Variants in SPOCK1 observed in about 807,000 individuals in gnomAD.
The protein encoded by SPOCK1 is SPARC (osteonectin), cwcv and kazal like domains proteoglycan 1.
A neutral mutation model predicts 55.3 loss-of-function variants in SPOCK1; 23 were observed. That is an observed-to-expected ratio of 0.42 (90% CI 0.30 to 0.59). SPOCK1 has a LOEUF of 0.59. Ranked by LOEUF, SPOCK1 falls within the 20% of genes least tolerant of loss-of-function variation. The probability of loss-of-function intolerance (pLI) is 0.22; values close to 1 mark genes in which losing one functional copy is unlikely to be tolerated. For missense variants in SPOCK1, 499 were observed against 552.5 expected (o/e 0.90, Z 0.97); for synonymous variants, 226 against 221.0 (o/e 1.02, Z -0.20).
chr5:137,330,551 A>G (rs1758153869), intron 2 of SPOCK1, among the ~76,000 whole-genome samples: 1 of 152,262 alleles, frequency 6.6e-6, no homozygotes, highest in Admixed American at 6.5e-5. Flanking sequence ...TGCAAGGCTG[A>G]TACTTAGGTA....
chr5:137,002,074 G>A (rs1751165057), intron 6 of SPOCK1, among the ~76,000 whole-genome samples: 1 of 152,142 alleles, frequency 6.6e-6, no homozygotes, highest in Non-Finnish European at 1.5e-5. Context: ...ACAGGCATGA[G>A]CAAAGGAATT....
chr5:137,259,202 C>T (rs1286735675), intron 3 of SPOCK1, among the ~76,000 whole-genome samples: 17 of 152,086 alleles, frequency 1.1e-4, no homozygotes, highest in Admixed American at 5.9e-4. Context: ...ATGTTTACTG[C>T]GACACTGTTC....
intron 4 of SPOCK1, among the ~76,000 whole-genome samples, chr5:137,124,902 T>C (rs1445761604): frequency 1.3e-5 from 2 of 152,174 alleles, no homozygotes; most frequent in African/African-American, 4.8e-5. Flanking sequence ...CAGAGTCTAG[T>C]TATGTTGCTC....
intron 3 of SPOCK1, among the ~76,000 whole-genome samples, chr5:137,155,809 T>G (rs1754405464): frequency 6.6e-6 from 1 of 152,238 alleles, no homozygotes; most frequent in African/African-American, 2.4e-5. Context: ...GGTCTCTTTG[T>G]GGGCTGTGTC....
chr5:137,185,290 C>T (rs1322689593), intron 3 of SPOCK1, among the ~76,000 whole-genome samples: 1 of 152,182 alleles, frequency 6.6e-6, no homozygotes, highest in Non-Finnish European at 1.5e-5. Context: ...ACAGGTTACA[C>T]TCCATTCATT....
intron 6 of SPOCK1, among the ~76,000 whole-genome samples, chr5:137,041,806 A>G (rs1478729044): frequency 6.6e-6 from 1 of 152,172 alleles, no homozygotes; most frequent in Non-Finnish European, 1.5e-5. Flanking sequence ...CACAATACCA[A>G]TTGCTGGCAA....
At chr5:137,498,266 CCACACACACACACACACACA>C in intron 2 of SPOCK1, 87 bp downstream of exon 2, 1 of 795,506 alleles carries the variant, frequency 1.3e-6, no homozygotes, top group East Asian at 3.5e-5. Context: ...CCCCTCCCAA[CCACACACACACACACACACA>C]CACACACACA....
At chr5:137,198,845 T>G (rs1755354393) in intron 3 of SPOCK1, among the ~76,000 whole-genome samples, 1 of 152,230 alleles carries the variant, frequency 6.6e-6, no homozygotes, top group Non-Finnish European at 1.5e-5. Context: ...TTCTAAATTT[T>G]TATACATAAC....
intron 6 of SPOCK1, among the ~76,000 whole-genome samples, chr5:137,039,503 A>G (rs1751953452): frequency 6.6e-6 from 1 of 152,128 alleles, no homozygotes; most frequent in African/African-American, 2.4e-5. Flanking sequence ...CCTTTGCAGA[A>G]GACTCAAGTT....
chr5:137,377,286 A>T (rs532553048), intron 2 of SPOCK1, among the ~76,000 whole-genome samples: 33 of 152,190 alleles, frequency 2.2e-4, no homozygotes, highest in Non-Finnish European at 4.0e-4. Context: ...GGAGAATCTG[A>T]TGCCTCTGCA....
chr5:137,098,655 C>T (rs1248999266), intron 5 of SPOCK1, among the ~76,000 whole-genome samples: 2 of 152,252 alleles, frequency 1.3e-5, no homozygotes. Context: ...GTTCCCATCA[C>T]CTACATGGCT....
chr5:137,302,543 C>T (rs1237156170), intron 2 of SPOCK1, among the ~76,000 whole-genome samples: 1 of 151,568 alleles, frequency 6.6e-6, no homozygotes, highest in Non-Finnish European at 1.5e-5. Flanking sequence ...TGCCATTGCA[C>T]TCCAGCCTGG....
At chr5:137,413,907 G>A (rs1299405719) in intron 2 of SPOCK1, among the ~76,000 whole-genome samples, 2 of 151,982 alleles carry the variant, frequency 1.3e-5, no homozygotes, top group East Asian at 3.9e-4. Flanking sequence ...AATTTCCTCA[G>A]CCCCACACGC....
chr5:137,365,812 G>A (rs1372900233), intron 2 of SPOCK1, among the ~76,000 whole-genome samples: 4 of 152,142 alleles, frequency 2.6e-5, no homozygotes, highest in Non-Finnish European at 5.9e-5. Context: ...ATTTTTAACA[G>A]GCACTTTAAA....
At chr5:137,018,111 G>C (rs1270655876) in intron 6 of SPOCK1, among the ~76,000 whole-genome samples, 1 of 152,184 alleles carries the variant, frequency 6.6e-6, no homozygotes, top group Non-Finnish European at 1.5e-5. Flanking sequence ...CTTCATAACT[G>C]GAACAGTGCT....
intron 6 of SPOCK1, among the ~76,000 whole-genome samples, chr5:137,055,022 A>G (rs1403866319): frequency 5.9e-5 from 9 of 152,196 alleles, no homozygotes; most frequent in Admixed American, 5.9e-4. Flanking sequence ...GACCACAGAG[A>G]CCACAATGGT....
At chr5:137,399,299 A>T (rs1751924836) in intron 2 of SPOCK1, among the ~76,000 whole-genome samples, 1 of 152,168 alleles carries the variant, frequency 6.6e-6, no homozygotes, top group African/African-American at 2.4e-5. Context: ...TAATTCTAAT[A>T]AACCTACTAG....
intron 2 of SPOCK1, among the ~76,000 whole-genome samples, chr5:137,287,255 A>G (rs1757288038): frequency 6.6e-6 from 1 of 152,222 alleles, no homozygotes; most frequent in South Asian, 2.1e-4. Flanking sequence ...TCCAGTCCCA[A>G]GACTGACTGT....
rs139116489 is a variant in SPOCK1, at chr5:137,209,320, A to G, written c.232+57690T>C. On this transcript the variant is annotated intron_variant, in intron 3 of 10. Coordinates refer to ENST00000394945, the MANE Select transcript of SPOCK1 (RefSeq NM_004598.4). ...ATTCGAAGCTATTAAGGCTGCCAAA[A>G]CCCTAAATAACCAGGCCATGTCAGA... 4.4e-4 allele frequency among the ~76,000 whole-genome samples: 67 copies of G among 152,286 alleles called. No individual in the cohort carries two copies. In the East Asian group the frequency reaches 0.012, roughly 27 times the overall value.
Sources: allele counts gnomAD v4.1 joint callset (sites outside exome capture counted in the v4.1 genomes callset), GRCh38; gene constraint gnomAD v4.1.1; transcripts MANE v1.5; gene names NCBI Gene and HGNC (gene_info 2026-07-23, HGNC 2026-07-21).